Variants in BICC1 observed in about 807,000 individuals in gnomAD.
The protein encoded by BICC1 is BicC family RNA binding protein 1, also known as protein bicaudal C homolog 1.
A neutral mutation model predicts 111.0 loss-of-function variants in BICC1; 43 were observed. The observed-to-expected ratio is 0.39, with a 90% CI of 0.30 to 0.50. The LOEUF (loss-of-function observed/expected upper bound fraction) is 0.50. Ranked by LOEUF, BICC1 falls within the 20% of genes least tolerant of loss-of-function variation. The pLI is 0.88. For synonymous variants in BICC1, 467 were observed against 434.4 expected (o/e 1.07, Z -0.93); for missense variants, 1,091 against 1,203.2 (o/e 0.91, Z 1.38).
intron 1 of BICC1, among the ~76,000 whole-genome samples, chr10:58,539,617 G>A (rs559510862): frequency 6.6e-6 from 1 of 151,976 alleles, no homozygotes; most frequent in South Asian, 2.1e-4. Context: ...AAATGTACAT[G>A]TACTTTACAG....
At chr10:58,603,076 C>CT (rs1243810233) in intron 1 of BICC1, among the ~76,000 whole-genome samples, 3 of 152,150 alleles carry the variant, frequency 2.0e-5, no homozygotes, top group African/African-American at 7.2e-5. Context: ...GTTAAAATGT[C>CT]TATCAGTGAC....
At chr10:58,538,297 T>C (rs944595409) in intron 1 of BICC1, among the ~76,000 whole-genome samples, 2 of 115,194 alleles carry the variant, frequency 1.7e-5, no homozygotes, top group African/African-American at 5.4e-5. Flanking sequence ...TGGAACAAAA[T>C]AGAGAACCAA....
chr10:58,626,694 A>G lies in BICC1; in HGVS notation c.237+5793A>G, dbSNP rs59165932. On this transcript the variant is annotated intron_variant, in intron 2 of 20. Transcript: ENST00000373886. Reference sequence around the variant, plus strand: ...CTGCTTCGAGTTGCATTGTAATGGTATATTCTTTTATTTCATCAGTCATTT... The same window carrying G: ...CTGCTTCGAGTTGCATTGTAATGGTGTATTCTTTTATTTCATCAGTCATTT... Among the ~76,000 whole-genome samples the G allele has an allele frequency of 1.8e-3, 274 of 152,278 alleles. 4 individuals are homozygous for G. The East Asian group carries it at 0.034, about 19-fold the overall frequency.
At position 58,523,891 on chromosome 10, in the gene BICC1, G is replaced by C. The variant is rs1372061293; in HGVS notation, c.190+10558G>C. 3.9e-5 allele frequency among the ~76,000 whole-genome samples: 6 copies of C among 152,252 alleles called. No individual in the cohort carries two copies. The East Asian group carries it at 1.2e-3, about 29-fold the overall frequency. ...CAAAATGAATGTGCAAAAATCACAA[G>C]CATTCTTATACACCAATAACAGACA... On this transcript the variant is annotated intron_variant, in intron 1 of 20. Transcript: ENST00000373886.
intron 15 of BICC1, among the ~76,000 whole-genome samples, chr10:58,803,545 G>C (rs546380676): frequency 1.3e-5 from 2 of 152,140 alleles, no homozygotes; most frequent in South Asian, 4.2e-4. Context: ...ATGAGTTTGC[G>C]GGACTGCATT....
At chr10:58,550,177 C>T (rs1035863552) in intron 1 of BICC1, among the ~76,000 whole-genome samples, 7 of 151,974 alleles carry the variant, frequency 4.6e-5, no homozygotes, top group Non-Finnish European at 7.4e-5. Flanking sequence ...CCATACTCTA[C>T]TAATATTTTA....
intron 1 of BICC1, among the ~76,000 whole-genome samples, chr10:58,555,379 A>G (rs1351045504): frequency 7.0e-6 from 1 of 143,846 alleles, no homozygotes; most frequent in Admixed American, 7.2e-5. Flanking sequence ...AAATGTTGCA[A>G]CTTGTGGTCC....
chr10:58,652,420 A>G (rs1473189273), intron 2 of BICC1, among the ~76,000 whole-genome samples: 1 of 152,104 alleles, frequency 6.6e-6, no homozygotes, highest in East Asian at 1.9e-4. Context: ...CTGAACATAT[A>G]ATAGTAATTT....
intron 3 of BICC1, among the ~76,000 whole-genome samples, chr10:58,731,991 G>A (rs1841314474): frequency 1.3e-5 from 2 of 152,114 alleles, no homozygotes; most frequent in Non-Finnish European, 1.5e-5. Flanking sequence ...TCACTGGAGT[G>A]GCACTTTTCA....
At position 58,598,807 on chromosome 10, in the gene BICC1, C is replaced by G. The variant is rs1349950247; in HGVS notation, c.191-22048C>G. Among the ~76,000 whole-genome samples, 3 of 151,730 alleles carry G rather than the reference C, an allele frequency of 2.0e-5. No individual in the cohort carries two copies. The East Asian group carries it at 5.8e-4, about 29-fold the overall frequency. On this transcript the variant is annotated intron_variant, in intron 1 of 20. Coordinates refer to ENST00000373886, the MANE Select transcript of BICC1 (RefSeq NM_001080512.3). ...TCTACAAAGAGCTTAAACAAATTTA[C>G]AAGAAAAAAACAACCCCATAAAAAA... is the stretch of plus-strand genomic sequence containing the variant.
At chr10:58,765,330 T>A (rs1162113203) in intron 3 of BICC1, among the ~76,000 whole-genome samples, 1 of 152,036 alleles carries the variant, frequency 6.6e-6, no homozygotes, top group Non-Finnish European at 1.5e-5. Context: ...GTGCTGGCAT[T>A]ACAGGTGTGA....
At chr10:58,699,701 CT>C (rs879870007) in intron 2 of BICC1, among the ~76,000 whole-genome samples, 138 of 145,502 alleles carry the variant, frequency 9.5e-4, no homozygotes, top group Middle Eastern at 3.6e-3. Context: ...ATCTTTCTTT[CT>C]TTTTTTTTTT....
chr10:58,807,163 G>T lies in BICC1; in HGVS notation c.2376+5G>T. On this transcript the variant is annotated splice_donor_5th_base_variant and intron_variant, in intron 17 of 20. Coordinates refer to ENST00000373886, the MANE Select transcript of BICC1 (RefSeq NM_001080512.3). ...ACAATGACAACCACTTATGAGGTTTGTAGAGTCATGTCCTACTCATTCTTC... is the reference window on the plus strand; with the variant it reads ...ACAATGACAACCACTTATGAGGTTTTTAGAGTCATGTCCTACTCATTCTTC... The T allele has an allele frequency of 6.2e-7, 1 of 1,611,982 alleles. No homozygotes were observed. The highest frequency in any genetic ancestry group is 8.5e-7 in the Non-Finnish European group (1 of 1,178,978).
rs371273354 is a variant in BICC1 at position 58,718,742 on chromosome 10, ATG to A, written c.307+16622_307+16623del. Among the ~76,000 whole-genome samples the A allele has an allele frequency of 2.7e-4, 40 of 148,546 alleles. 1 individual carries two copies. The highest frequency in any genetic ancestry group is 1.0e-3 in the African/African-American group (40 of 39,818). Reference sequence around the variant, plus strand: ...GGTCCTCAATATTAATAGCATGGAAATGTGTGTGTGTGTGTGTGTGTGTGCGC... The same window carrying A: ...GGTCCTCAATATTAATAGCATGGAAATGTGTGTGTGTGTGTGTGTGTGCGC... On this transcript the variant is annotated intron_variant, in intron 3 of 20. Coordinates refer to ENST00000373886, the MANE Select transcript of BICC1 (RefSeq NM_001080512.3).
At chr10:58,793,180 C>CT (rs1421204164) in intron 8 of BICC1, among the ~76,000 whole-genome samples, 12 of 152,116 alleles carry the variant, frequency 7.9e-5, no homozygotes, top group African/African-American at 2.9e-4. Context: ...TCTAGCATAA[C>CT]TTAACAAAAC....
At chr10:58,695,095 A>G (rs990551896) in intron 2 of BICC1, among the ~76,000 whole-genome samples, 4 of 152,234 alleles carry the variant, frequency 2.6e-5, no homozygotes, top group Admixed American at 2.0e-4. Context: ...TGGAAAATGT[A>G]TGTAAATACT....
At chr10:58,723,386 A>G (rs965104630) in intron 3 of BICC1, among the ~76,000 whole-genome samples, 37 of 152,314 alleles carry the variant, frequency 2.4e-4, no homozygotes, top group African/African-American at 8.4e-4. Context: ...TGGAAAATGC[A>G]TGGAAAAAAA....
chr10:58,722,466 A>G (rs1840969426), intron 3 of BICC1, among the ~76,000 whole-genome samples: 1 of 152,242 alleles, frequency 6.6e-6, no homozygotes, highest in East Asian at 1.9e-4. Flanking sequence ...GAGAATCCAT[A>G]TAATCACTTT....
intron 19 of BICC1, among the ~76,000 whole-genome samples, chr10:58,818,019 C>A (rs1199174550): frequency 6.6e-6 from 1 of 152,130 alleles, no homozygotes; most frequent in Non-Finnish European, 1.5e-5. Flanking sequence ...TTTGTAGTCA[C>A]AGCTCCCTTA....
Sources: gnomAD v4.1 joint callset for allele counts (sites outside exome capture counted in the v4.1 genomes callset) on GRCh38, gnomAD v4.1.1 for gene constraint, MANE v1.5 for transcripts, NCBI Gene and HGNC (gene_info 2026-07-23, HGNC 2026-07-21) for gene names.